The following RBMS3 variants were observed in gnomAD, a reference collection of about 807,000 sequenced individuals.
RBMS3 encodes RNA binding motif single stranded interacting protein 3, also known as RNA-binding motif, single-stranded-interacting protein 3.
In RBMS3, 27 loss-of-function variants were observed where a neutral mutation model predicts 66.8. The observed-to-expected ratio is 0.40, with a 90% CI of 0.30 to 0.56. The LOEUF is 0.56. Ranked by LOEUF, RBMS3 falls within the 20% of genes least tolerant of loss-of-function variation. RBMS3 has a pLI of 0.40. For missense variants in RBMS3, 513 were observed against 549.5 expected (o/e 0.93, Z 0.66); for synonymous variants, 188 against 183.0 (o/e 1.03, Z -0.22).
chr3:29,830,262 T>A (rs1452462008), intron 6 of RBMS3, among the ~76,000 whole-genome samples: 1 of 152,134 alleles, frequency 6.6e-6, no homozygotes, highest in Admixed American at 6.6e-5. Context: ...GCAATTTGAC[T>A]AAACATATCG....
chr3:29,876,121 G>A (rs1559760102), intron 7 of RBMS3, among the ~76,000 whole-genome samples: 1 of 152,230 alleles, frequency 6.6e-6, no homozygotes, highest in Admixed American at 6.5e-5. Flanking sequence ...ACTTTTAATA[G>A]TTTTTCTCTT....
intron 2 of RBMS3, among the ~76,000 whole-genome samples, chr3:29,472,905 T>C (rs1472251710): frequency 1.3e-5 from 2 of 152,082 alleles, no homozygotes; most frequent in African/African-American, 4.8e-5. Context: ...TTCTCTTATC[T>C]GGCCCCACCC....
At chr3:29,515,059 T>C (rs1373617822) in intron 3 of RBMS3, among the ~76,000 whole-genome samples, 1 of 152,056 alleles carries the variant, frequency 6.6e-6, no homozygotes, top group Non-Finnish European at 1.5e-5. Flanking sequence ...CCCAAATATA[T>C]GCTCTTAAGT....
intron 3 of RBMS3, among the ~76,000 whole-genome samples, chr3:29,541,626 C>T (rs1293173519): frequency 1.3e-5 from 2 of 152,176 alleles, no homozygotes; most frequent in Non-Finnish European, 2.9e-5. Flanking sequence ...TCCCTTGCCC[C>T]TCTTCTTTTT....
chr3:29,629,533 T>A (rs1266697373), intron 4 of RBMS3, among the ~76,000 whole-genome samples: 2 of 152,132 alleles, frequency 1.3e-5, no homozygotes, highest in Non-Finnish European at 2.9e-5. Context: ...AAAAATGTTA[T>A]GTCTTAACAA....
intron 3 of RBMS3, among the ~76,000 whole-genome samples, chr3:29,510,410 C>T (rs2044350008): frequency 6.6e-6 from 1 of 152,160 alleles, no homozygotes; most frequent in Non-Finnish European, 1.5e-5. Context: ...GATTATTAGG[C>T]AAACTTAAAT....
chr3:29,341,391 T>G (rs1230547889), intron 1 of RBMS3, among the ~76,000 whole-genome samples: 1 of 152,166 alleles, frequency 6.6e-6, no homozygotes, highest in African/African-American at 2.4e-5. Context: ...CTGGAGGATT[T>G]GAACACTTAT....
chr3:29,758,403 T>A (rs2149376566), intron 5 of RBMS3, among the ~76,000 whole-genome samples: 1 of 152,320 alleles, frequency 6.6e-6, no homozygotes, highest in East Asian at 1.9e-4. Context: ...ATCTGTACAA[T>A]ATAGAAGTTG....
chr3:29,619,145 G>T (rs2048776480), intron 4 of RBMS3, among the ~76,000 whole-genome samples: 1 of 151,774 alleles, frequency 6.6e-6, no homozygotes. Flanking sequence ...CACACGCCAG[G>T]GCCTGTTGTG....
intron 4 of RBMS3, among the ~76,000 whole-genome samples, chr3:29,588,669 T>G (rs2047618210): frequency 6.6e-6 from 1 of 152,080 alleles, no homozygotes; most frequent in Admixed American, 6.6e-5. Context: ...AATGTATTCT[T>G]CATCAAGATT....
intron 4 of RBMS3, among the ~76,000 whole-genome samples, chr3:29,688,426 C>T (rs1386936438): frequency 6.6e-6 from 1 of 152,080 alleles, no homozygotes; most frequent in Admixed American, 6.5e-5. Flanking sequence ...CTTCTAAAGA[C>T]TTCATACACT....
At position 29,566,749 on chromosome 3, in the gene RBMS3, G is replaced by T. The variant is rs375176626; in HGVS notation, c.308-20365G>T. Among the ~76,000 whole-genome samples the T allele has an allele frequency of 5.3e-4, 80 of 152,114 alleles. 1 individual carries two copies. Among genetic ancestry groups the T allele is most frequent in the South Asian group, 1.0e-3 (5 of 4,818 alleles). On this transcript the variant is annotated intron_variant, in intron 3 of 14. Coordinates refer to ENST00000383767, the MANE Select transcript of RBMS3 (RefSeq NM_001003793.3). ...TAATGACAGATGCCTGGTTGCTGGGGGTGTGTGTGGAGGTGGCTGCAAAGA... is the reference window on the plus strand; with the variant it reads ...TAATGACAGATGCCTGGTTGCTGGGTGTGTGTGTGGAGGTGGCTGCAAAGA...
chr3:29,719,230 C>T (rs952163469), intron 4 of RBMS3, among the ~76,000 whole-genome samples: 3 of 152,080 alleles, frequency 2.0e-5, no homozygotes, highest in African/African-American at 7.2e-5. Flanking sequence ...GAAACTTGTA[C>T]GCTGTGAAAA....
chr3:29,375,104 A>T (rs1205071902), intron 1 of RBMS3, among the ~76,000 whole-genome samples: 3 of 152,214 alleles, frequency 2.0e-5, no homozygotes, highest in Non-Finnish European at 2.9e-5. Flanking sequence ...AAAAGAAGCA[A>T]TAGGGAAAGG....
rs1358137726 is a variant in RBMS3 at position 29,747,545 on chromosome 3, A to C, written c.557+7668A>C. On this transcript the variant is annotated intron_variant, in intron 5 of 14. Coordinates refer to ENST00000383767, the MANE Select transcript of RBMS3 (RefSeq NM_001003793.3). ...GAGATGTACATACACCCACAAAAAA[A>C]ATCTGCTTTTACAGACCAACATTCT... Among the ~76,000 whole-genome samples the C allele has an allele frequency of 7.2e-5, 11 of 152,214 alleles. No homozygotes were observed. The East Asian group carries it at 1.7e-3, about 24-fold the overall frequency.
chr3:29,752,685 C>G (rs1156824092), intron 5 of RBMS3, among the ~76,000 whole-genome samples: 2 of 152,170 alleles, frequency 1.3e-5, no homozygotes, highest in Non-Finnish European at 2.9e-5. Context: ...TAAGGTTCTC[C>G]ATTTGCCAGT....
At chr3:29,740,011 C>A in intron 5 of RBMS3, 134 bp downstream of exon 5, 1 of 677,964 alleles carries the variant, frequency 1.5e-6, no homozygotes, top group Non-Finnish European at 2.2e-6. Context: ...CTTATCAAAT[C>A]TGTCATCCCT....
chr3:29,446,539 A>G (rs1342511068), intron 2 of RBMS3, among the ~76,000 whole-genome samples: 1 of 152,146 alleles, frequency 6.6e-6, no homozygotes, highest in Non-Finnish European at 1.5e-5. Flanking sequence ...TATTCATGGT[A>G]TCAGAATAAA....
chr3:29,591,782 T>G (rs970492743), intron 4 of RBMS3, among the ~76,000 whole-genome samples: 2 of 152,140 alleles, frequency 1.3e-5, no homozygotes, highest in Non-Finnish European at 2.9e-5. Flanking sequence ...GTAAACACAG[T>G]ATATCTTATT....
Sources: allele counts gnomAD v4.1 joint callset (sites outside exome capture counted in the v4.1 genomes callset), GRCh38; gene constraint gnomAD v4.1.1; transcripts MANE v1.5; gene names NCBI Gene and HGNC (gene_info 2026-07-23, HGNC 2026-07-21).